The following UVRAG variants were observed in gnomAD, a reference collection of about 807,000 sequenced individuals.
UVRAG encodes UV radiation resistance associated.
UVRAG carries 19 observed loss-of-function variants against 78.0 expected under a neutral mutation model. That is an observed-to-expected ratio of 0.24 (90% CI 0.17 to 0.36). The LOEUF is 0.36. Ranked by LOEUF, UVRAG falls within the 10% of genes least tolerant of loss-of-function variation. UVRAG has a pLI of 1.00. For synonymous variants in UVRAG, 323 were observed against 324.6 expected (o/e 1.00, Z 0.05); for missense variants, 740 against 853.8 (o/e 0.87, Z 1.66).
intron 13 of UVRAG, among the ~76,000 whole-genome samples, chr11:76,093,340 G>A (rs938376830): frequency 1.3e-5 from 2 of 152,126 alleles, no homozygotes; most frequent in Non-Finnish European, 2.9e-5. Context: ...TGACAATGCG[G>A]GCTCTTTTTT....
chr11:76,064,640 TG>T (rs1951154153), intron 12 of UVRAG, among the ~76,000 whole-genome samples: 1 of 152,208 alleles, frequency 6.6e-6, no homozygotes, highest in Admixed American at 6.5e-5. Context: ...AATTTACCTT[TG>T]GATACTATAT....
rs533440928 is a variant in UVRAG at position 75,838,397 on chromosome 11, G to A, written c.118-13486G>A. ...CTGCTGCCCAGGCTGGAGTGCAGTG[G>A]CTTGATCATGGCTCACTGAAGCCTC... On this transcript the variant is annotated intron_variant, in intron 1 of 14. Coordinates refer to ENST00000356136, the MANE Select transcript of UVRAG (RefSeq NM_003369.4). Among the ~76,000 whole-genome samples the A allele has an allele frequency of 2.6e-5, 4 of 152,092 alleles. No individual in the cohort carries two copies. The South Asian group carries it at 8.3e-4, about 32-fold the overall frequency.
In UVRAG at chr11:75,880,758, T is replaced by G. The variant is rs147499357; in HGVS notation, c.432+718T>G. On this transcript the variant is annotated intron_variant, in intron 4 of 14. Coordinates refer to ENST00000356136, the MANE Select transcript of UVRAG (RefSeq NM_003369.4). ...TTAGTAGAGACAGGGTTTCTCCATG[T>G]TGGCCAGGCTGGTCTCGAACTCCTG... 3.6e-3 allele frequency among the ~76,000 whole-genome samples: 540 copies of G among 151,840 alleles called. 8 individuals are homozygous for G. Among genetic ancestry groups the G allele is most frequent in the African/African-American group, 0.013 (525 of 41,388 alleles).
chr11:75,985,148 T>C (rs1205161924), intron 8 of UVRAG, among the ~76,000 whole-genome samples: 4 of 148,220 alleles, frequency 2.7e-5, no homozygotes, highest in Non-Finnish European at 4.4e-5. Flanking sequence ...GTCAGGAATT[T>C]CTTTTCTTTT....
At chr11:76,096,780 C>T (rs563032753) in intron 13 of UVRAG, among the ~76,000 whole-genome samples, 1 of 152,258 alleles carries the variant, frequency 6.6e-6, no homozygotes, top group East Asian at 1.9e-4. Context: ...TACCCTGAGG[C>T]GCCCCTTCCT....
chr11:75,886,532 AT>A (rs2134917168), intron 4 of UVRAG, among the ~76,000 whole-genome samples: 1 of 152,314 alleles, frequency 6.6e-6, no homozygotes, highest in East Asian at 1.9e-4. Context: ...GACTGCTTTC[AT>A]AATGTTTTCT....
intron 14 of UVRAG, among the ~76,000 whole-genome samples, chr11:76,128,023 T>G (rs1247064070): frequency 1.3e-5 from 2 of 151,844 alleles, no homozygotes; most frequent in East Asian, 3.8e-4. Context: ...GGAGAGGGAA[T>G]TAGTACAAAA....
intron 1 of UVRAG, among the ~76,000 whole-genome samples, chr11:75,826,685 A>G (rs1302515823): frequency 4.1e-5 from 6 of 145,578 alleles, no homozygotes; most frequent in African/African-American, 1.6e-4. Context: ...GGTACTTACC[A>G]TGCCTATCTT....
intron 6 of UVRAG, among the ~76,000 whole-genome samples, chr11:75,921,948 A>AT (rs1395690680): frequency 6.6e-6 from 1 of 151,658 alleles, no homozygotes; most frequent in East Asian, 1.9e-4. Flanking sequence ...ACTACAGGGG[A>AT]TTTTTTTGTG....
chr11:75,816,299 A>G (rs1205835507), intron 1 of UVRAG, among the ~76,000 whole-genome samples: 2 of 152,206 alleles, frequency 1.3e-5, no homozygotes, highest in East Asian at 1.9e-4. Context: ...AGATGTGACA[A>G]AACTCTTTGT....
rs191780746 is a variant in UVRAG, at chr11:75,972,424, G to A, written c.699+10875G>A. Among the ~76,000 whole-genome samples, 12 of 152,210 alleles carry A rather than the reference G, an allele frequency of 7.9e-5. No homozygotes were observed. In the East Asian group the frequency reaches 2.3e-3, roughly 29 times the overall value. On this transcript the variant is annotated intron_variant, in intron 7 of 14. Transcript: ENST00000356136. ...ATAAGACCTGTATCTAGATTGATTA[G>A]TCCCTCTCGCACTCACTCTGTTTCT...
At chr11:75,844,023 G>T (rs1945976382) in intron 1 of UVRAG, among the ~76,000 whole-genome samples, 1 of 151,684 alleles carries the variant, frequency 6.6e-6, no homozygotes, top group Admixed American at 6.6e-5. Flanking sequence ...GCCCTAATTG[G>T]ATCATATGTT....
At chr11:75,951,437 C>T (rs538299040) in intron 6 of UVRAG, among the ~76,000 whole-genome samples, 1 of 151,818 alleles carries the variant, frequency 6.6e-6, no homozygotes, top group Admixed American at 6.6e-5. Flanking sequence ...GGCTGGAGTA[C>T]AATGGTGCGA....
At chr11:75,934,014 AGAAAG>A (rs1374098790) in intron 6 of UVRAG, among the ~76,000 whole-genome samples, 10 of 152,250 alleles carry the variant, frequency 6.6e-5, no homozygotes, top group Non-Finnish European at 1.2e-4. Context: ...TATAGCCAAA[AGAAAG>A]GAAATCAGTT....
At chr11:75,879,465 G>T (rs1946889857) in intron 3 of UVRAG, among the ~76,000 whole-genome samples, 1 of 152,154 alleles carries the variant, frequency 6.6e-6, no homozygotes, top group Admixed American at 6.5e-5. Flanking sequence ...CTGCTGTGTA[G>T]CCTTATGCAT....
intron 6 of UVRAG, among the ~76,000 whole-genome samples, chr11:75,934,452 A>G (rs1948320786): frequency 6.6e-6 from 1 of 152,180 alleles, no homozygotes; most frequent in Non-Finnish European, 1.5e-5. Flanking sequence ...TAAAAACAAG[A>G]TGACTATAGT....
At chr11:75,873,303 G>A (rs1318165863) in intron 3 of UVRAG, among the ~76,000 whole-genome samples, 3 of 151,648 alleles carry the variant, frequency 2.0e-5, no homozygotes, top group Non-Finnish European at 4.4e-5. Context: ...ACCCCAAAGT[G>A]ATTAGGTCTT....
chr11:76,048,362 A>G (rs1193574222), intron 12 of UVRAG, among the ~76,000 whole-genome samples: 3 of 152,240 alleles, frequency 2.0e-5, no homozygotes, highest in Non-Finnish European at 4.4e-5. Flanking sequence ...GATTAGCCCA[A>G]TAACAAATAT....
chr11:75,913,978 C>G (rs1451296731), intron 6 of UVRAG, among the ~76,000 whole-genome samples: 1 of 152,162 alleles, frequency 6.6e-6, no homozygotes, highest in Non-Finnish European at 1.5e-5. Context: ...TAACAGTGGT[C>G]TCCTCATGCC....
Sources: gnomAD v4.1 joint callset for allele counts (sites outside exome capture counted in the v4.1 genomes callset) on GRCh38, gnomAD v4.1.1 for gene constraint, MANE v1.5 for transcripts, NCBI Gene and HGNC (gene_info 2026-07-23, HGNC 2026-07-21) for gene names.